RBFOX1: variants seen among roughly 807,000 people sequenced by gnomAD.
The protein encoded by RBFOX1 is RNA binding protein fox-1 homolog 1.
In RBFOX1, 8 loss-of-function variants were observed where a neutral mutation model predicts 57.7. The ratio of observed to expected loss-of-function variants is 0.14; its 90% CI spans 0.08 to 0.25. The LOEUF (loss-of-function observed/expected upper bound fraction) is 0.25, where lower values mean the gene tolerates loss of function less well. Among genes scored for constraint, RBFOX1 ranks in the 10% least tolerant of loss-of-function variants. The pLI, the probability that RBFOX1 is intolerant of heterozygous loss-of-function variation, is 1.00. For synonymous variants in RBFOX1, 326 were observed against 222.4 expected (o/e 1.47, Z -4.15); for missense variants, 611 against 548.5 (o/e 1.11, Z -1.14).
intron 4 of RBFOX1, among the ~76,000 whole-genome samples, chr16:7,430,796 C>A (rs966126548): frequency 1.3e-5 from 2 of 152,178 alleles, no homozygotes; most frequent in Non-Finnish European, 2.9e-5. Context: ...ACCTGGATGG[C>A]CAAGTGCAAG....
chr16:6,314,109 T>A (rs939394701), intron 1 of RBFOX1, among the ~76,000 whole-genome samples: 1 of 152,152 alleles, frequency 6.6e-6, no homozygotes, highest in African/African-American at 2.4e-5. Context: ...ATTACCTGGG[T>A]ACCAAGTACG....
chr16:6,091,929 A>G (rs1353006117), intron 1 of RBFOX1, among the ~76,000 whole-genome samples: 2 of 152,216 alleles, frequency 1.3e-5, no homozygotes, highest in African/African-American at 2.4e-5. Context: ...TTATTCATCC[A>G]TCTACCTCCC....
intron 3 of RBFOX1, among the ~76,000 whole-genome samples, chr16:5,749,176 G>C (rs1417192213): frequency 6.6e-6 from 1 of 151,682 alleles, no homozygotes; most frequent in East Asian, 1.9e-4. Flanking sequence ...AATTCTTTAA[G>C]AATGTTGAAT....
At chr16:6,562,888 T>TTCTTTC (rs2097202007) in intron 2 of RBFOX1, among the ~76,000 whole-genome samples, 11 of 90,842 alleles carry the variant, frequency 1.2e-4, no homozygotes, top group African/African-American at 2.8e-4. Context: ...TTCTTTTTTT[T>TTCTTTC]TTTTTTTTTT....
At chr16:7,576,884 T>C (rs1567918067) in intron 5 of RBFOX1, among the ~76,000 whole-genome samples, 1 of 152,130 alleles carries the variant, frequency 6.6e-6, no homozygotes, top group Non-Finnish European at 1.5e-5. Context: ...GACTGGAAGC[T>C]TAGGGTTTCA....
chr16:5,450,573 C>A (rs540121414), intron 1 of RBFOX1, among the ~76,000 whole-genome samples: 1 of 152,262 alleles, frequency 6.6e-6, no homozygotes, highest in South Asian at 2.1e-4. Context: ...TTTCTTTGTT[C>A]TCTGGAGTGT....
At chr16:5,685,333 G>A (rs2050472941) in intron 3 of RBFOX1, among the ~76,000 whole-genome samples, 2 of 152,076 alleles carry the variant, frequency 1.3e-5, no homozygotes, top group Non-Finnish European at 2.9e-5. Context: ...TAAATAGTTA[G>A]CCTCCAAGTA....
At position 6,410,168 on chromosome 16, in the gene RBFOX1, C is replaced by CTGTGTGTGTGTG. The variant is rs3066618; in HGVS notation, c.-64+93136_-64+93147dup. Reference sequence around the variant, plus strand: ...GTTTAGAGTTTTAAGCATCATAAGGCTGTGTGTGTGTGTGTGTGTGTGTGT... The same window carrying CTGTGTGTGTGTG: ...GTTTAGAGTTTTAAGCATCATAAGGCTGTGTGTGTGTGTGTGTGTGTGTGTGTGTGTGTGTGT... On this transcript the variant is annotated intron_variant, in intron 2 of 15. Coordinates refer to ENST00000550418, the MANE Select transcript of RBFOX1 (RefSeq NM_018723.4). 3.2e-3 allele frequency among the ~76,000 whole-genome samples: 475 copies of CTGTGTGTGTGTG among 147,038 alleles called. 5 individuals are homozygous for CTGTGTGTGTGTG. Among genetic ancestry groups the CTGTGTGTGTGTG allele is most frequent in the Middle Eastern group, 7.0e-3 (2 of 284 alleles).
intron 4 of RBFOX1, among the ~76,000 whole-genome samples, chr16:7,204,851 G>A (rs575005086): frequency 1.4e-4 from 21 of 152,018 alleles, no homozygotes; most frequent in Admixed American, 2.6e-4. Flanking sequence ...TCTGGCATTC[G>A]CCATTCTACT....
intron 3 of RBFOX1, among the ~76,000 whole-genome samples, chr16:6,679,878 G>GTTTTTTTTTTTTTTTTTTTTTTTTTTT (rs71145274): frequency 1.7e-5 from 2 of 114,304 alleles, no homozygotes; most frequent in African/African-American, 3.9e-5. Flanking sequence ...GTTTCTACTT[G>GTTTTTTTTTTTTTTTTTTTTTTTTTTT]TTTTTTTTTT....
chr16:6,201,433 G>T lies in RBFOX1; in HGVS notation c.-126-115562G>T, dbSNP rs369062944. Among the ~76,000 whole-genome samples, 64 of 152,270 alleles carry T rather than the reference G, an allele frequency of 4.2e-4. 1 individual carries two copies. The South Asian group carries it at 0.013, about 32-fold the overall frequency. Reference sequence around the variant, plus strand: ...TGCATTCTCAACAACAGCGTATAAGGATTCCCCTTTCTCCACATCCTGGCC... The same window carrying T: ...TGCATTCTCAACAACAGCGTATAAGTATTCCCCTTTCTCCACATCCTGGCC... On this transcript the variant is annotated intron_variant, in intron 1 of 15. Coordinates refer to ENST00000550418, the MANE Select transcript of RBFOX1 (RefSeq NM_018723.4).
intron 14 of RBFOX1, among the ~76,000 whole-genome samples, chr16:7,690,859 T>C (rs570777189): frequency 2.0e-5 from 3 of 152,238 alleles, no homozygotes; most frequent in Admixed American, 6.5e-5. Flanking sequence ...ATGGTGAATA[T>C]AGACAGCAAC....
chr16:5,245,655 C>G (rs572355266), intron 1 of RBFOX1, among the ~76,000 whole-genome samples: 29 of 152,310 alleles, frequency 1.9e-4, no homozygotes, highest in African/African-American at 6.7e-4. Context: ...TAGTCTCAAA[C>G]TCCTGACCTC....
At chr16:6,058,382 C>A (rs540342716) in intron 1 of RBFOX1, among the ~76,000 whole-genome samples, 1 of 151,394 alleles carries the variant, frequency 6.6e-6, no homozygotes, top group African/African-American at 2.4e-5. Flanking sequence ...TGTTAAAGAT[C>A]CAACCTTTGC....
At chr16:7,565,429 A>AT (rs34276145) in intron 5 of RBFOX1, among the ~76,000 whole-genome samples, 1 of 152,064 alleles carries the variant, frequency 6.6e-6, no homozygotes, top group Non-Finnish European at 1.5e-5. Context: ...CTGCGATATT[A>AT]TTTTCTGAGC....
chr16:6,235,554 A>C, intron 1 of RBFOX1, among the ~76,000 whole-genome samples: 1 of 78,296 alleles, frequency 1.3e-5, no homozygotes, highest in African/African-American at 4.1e-5. Flanking sequence ...GTGTGCGTGT[A>C]TGTATGTGTG....
rs112069306 is a variant in RBFOX1, at chr16:7,272,244, G to T, written c.27+220146G>T. ...TGTCATCCAGAGCTGGAGTGCATTG[G>T]TATCACCTCGGCTCACTGCAACCTC... On this transcript the variant is annotated intron_variant, in intron 4 of 15. Transcript: ENST00000550418. 3.7e-3 allele frequency among the ~76,000 whole-genome samples: 569 copies of T among 152,166 alleles called. 5 individuals carry two copies. Among genetic ancestry groups the T allele is most frequent in the African/African-American group, 0.013 (543 of 41,522 alleles).
chr16:7,342,264 G>C (rs577842314), intron 4 of RBFOX1, among the ~76,000 whole-genome samples: 1 of 152,160 alleles, frequency 6.6e-6, no homozygotes, highest in Non-Finnish European at 1.5e-5. Context: ...CCTTTGCAGT[G>C]TAGTCATGGT....
intron 3 of RBFOX1, among the ~76,000 whole-genome samples, chr16:6,747,748 T>G (rs566913451): frequency 6.6e-6 from 1 of 152,282 alleles, no homozygotes; most frequent in African/African-American, 2.4e-5. Flanking sequence ...GGACAGCAAC[T>G]TGTGCAAAGA....
Sources: gnomAD v4.1 joint callset for allele counts (sites outside exome capture counted in the v4.1 genomes callset) on GRCh38, gnomAD v4.1.1 for gene constraint, MANE v1.5 for transcripts, NCBI Gene and HGNC (gene_info 2026-07-23, HGNC 2026-07-21) for gene names.